Variants in GRM7 observed in about 807,000 individuals in gnomAD.
GRM7 encodes the protein glutamate metabotropic receptor 7.
A neutral mutation model predicts 84.5 loss-of-function variants in GRM7; 35 were observed. That is an observed-to-expected ratio of 0.41 (90% CI 0.32 to 0.55). The LOEUF is 0.55. GRM7 is among the 20% of genes least tolerant of loss of function. The probability of loss-of-function intolerance (pLI) is 0.19; values close to 1 mark genes in which losing one functional copy is unlikely to be tolerated. For missense variants in GRM7, 1,003 were observed against 1,194.6 expected (o/e 0.84, Z 2.36); for synonymous variants, 487 against 455.1 (o/e 1.07, Z -0.89).
chr3:7,620,362 C>T (rs887891479), intron 8 of GRM7, among the ~76,000 whole-genome samples: 3 of 152,056 alleles, frequency 2.0e-5, no homozygotes, highest in Non-Finnish European at 4.4e-5. Flanking sequence ...TATCTATTTG[C>T]TCAACTAAAT....
chr3:6,970,749 G>A (rs1254818144), intron 1 of GRM7, among the ~76,000 whole-genome samples: 1 of 152,194 alleles, frequency 6.6e-6, no homozygotes, highest in African/African-American at 2.4e-5. Flanking sequence ...GGAGGCCGAG[G>A]CGGGCGGATC....
intron 4 of GRM7, among the ~76,000 whole-genome samples, chr3:7,339,814 G>C (rs1053521498): frequency 1.3e-5 from 2 of 152,048 alleles, no homozygotes; most frequent in African/African-American, 4.8e-5. Context: ...TGGTTGAATT[G>C]TTTCAACTAC....
intron 2 of GRM7, among the ~76,000 whole-genome samples, chr3:7,282,416 A>C (rs1161798112): frequency 1.3e-5 from 2 of 152,166 alleles, no homozygotes; most frequent in African/African-American, 2.4e-5. Context: ...CCTATCCACA[A>C]ACCTGGCAGT....
At chr3:7,247,010 A>G (rs895398215) in intron 2 of GRM7, among the ~76,000 whole-genome samples, 4 of 152,300 alleles carry the variant, frequency 2.6e-5, no homozygotes, top group African/African-American at 4.8e-5. Flanking sequence ...CAGACCAAAC[A>G]TATCAACTGA....
intron 1 of GRM7, among the ~76,000 whole-genome samples, chr3:6,876,386 G>T (rs2124952552): frequency 6.6e-6 from 1 of 152,166 alleles, no homozygotes; most frequent in Non-Finnish European, 1.5e-5. Context: ...TTGAGTGCTT[G>T]CTGGGTGTAA....
At chr3:7,353,613 G>A (rs964437726) in intron 4 of GRM7, among the ~76,000 whole-genome samples, 25 of 152,032 alleles carry the variant, frequency 1.6e-4, no homozygotes, top group African/African-American at 6.0e-4. Flanking sequence ...CATACTAGGA[G>A]GCTCCAGAAA....
chr3:7,672,935 G>T (rs1393276943), intron 8 of GRM7, among the ~76,000 whole-genome samples: 1 of 152,096 alleles, frequency 6.6e-6, no homozygotes, highest in Non-Finnish European at 1.5e-5. Flanking sequence ...AACTAAACGA[G>T]ATGTTCCCCC....
chr3:7,066,702 C>A (rs1697678930), intron 1 of GRM7, among the ~76,000 whole-genome samples: 1 of 151,744 alleles, frequency 6.6e-6, no homozygotes, highest in East Asian at 1.9e-4. Context: ...TACCAAAAAC[C>A]AGGAAAGGAC....
chr3:7,452,558 TTGTGTGTGTGTGTG>T (rs111752136), intron 5 of GRM7, 35 bp from the exon 6 acceptor site: 3 of 1,007,168 alleles, frequency 3.0e-6, no homozygotes, highest in Admixed American at 1.8e-5. Flanking sequence ...CAATGCCAAT[TTGTGTGTGTGTGTG>T]TGTGTGTGTG....
chr3:7,263,117 T>C (rs994764796), intron 2 of GRM7, among the ~76,000 whole-genome samples: 2 of 152,244 alleles, frequency 1.3e-5, no homozygotes, highest in African/African-American at 2.4e-5. Flanking sequence ...TTCTATTTTA[T>C]GTCCTTGGGG....
chr3:7,124,858 A>C (rs937159210), intron 1 of GRM7, among the ~76,000 whole-genome samples: 1 of 152,196 alleles, frequency 6.6e-6, no homozygotes, highest in Non-Finnish European at 1.5e-5. Flanking sequence ...ACATTAATGA[A>C]ATATAGCCAT....
chr3:7,307,100 T>A (rs755369310), intron 4 of GRM7, among the ~76,000 whole-genome samples: 3 of 151,368 alleles, frequency 2.0e-5, no homozygotes, highest in Non-Finnish European at 4.4e-5. Context: ...GAGGCTGTAA[T>A]ACAGCACACC....
rs1333516149 is a variant in GRM7 at position 7,455,586 on chromosome 3, A to T, written c.1375+2779A>T. On this transcript the variant is annotated intron_variant, in intron 6 of 9. Transcript: ENST00000357716. ...CTACCTTAAATCTAATTTTAAGGAA[A>T]CATCAAACAAATCCAAATTAAAAGA... Among the ~76,000 whole-genome samples the T allele has an allele frequency of 2.6e-5, 4 of 151,768 alleles. No individual in the cohort carries two copies. In the South Asian group the frequency reaches 8.4e-4, roughly 32 times the overall value.
At chr3:6,887,205 A>G (rs78403596) in intron 1 of GRM7, among the ~76,000 whole-genome samples, 12,210 of 151,662 alleles carry the variant, frequency 0.081, 554 homozygotes, top group Middle Eastern at 0.13. Context: ...TTTTTTTTAG[A>G]AGTAAAGTTT....
intron 1 of GRM7, among the ~76,000 whole-genome samples, chr3:7,004,775 A>G (rs76332573): frequency 3.9e-5 from 6 of 152,296 alleles, no homozygotes; most frequent in Non-Finnish European, 8.8e-5. Flanking sequence ...GGTGTTTCAA[A>G]ATAATAATGA....
At chr3:7,165,699 G>A (rs1358448032) in intron 2 of GRM7, among the ~76,000 whole-genome samples, 7 of 152,152 alleles carry the variant, frequency 4.6e-5, no homozygotes, top group Admixed American at 2.6e-4. Context: ...GCTAGGACAA[G>A]TCTCTTCAGG....
chr3:7,222,070 A>C (rs1410064835), intron 2 of GRM7, among the ~76,000 whole-genome samples: 5 of 151,968 alleles, frequency 3.3e-5, no homozygotes, highest in Admixed American at 2.0e-4. Flanking sequence ...CAGCCTCCCA[A>C]AGTGCTAGGA....
At chr3:7,213,049 T>C (rs1275334822) in intron 2 of GRM7, among the ~76,000 whole-genome samples, 3 of 152,214 alleles carry the variant, frequency 2.0e-5, no homozygotes, top group Non-Finnish European at 2.9e-5. Context: ...TTTACCATCC[T>C]GATTCTGTTC....
At chr3:7,337,690 CA>C (rs2125074158) in intron 4 of GRM7, among the ~76,000 whole-genome samples, 1 of 151,904 alleles carries the variant, frequency 6.6e-6, no homozygotes, top group Admixed American at 6.6e-5. Flanking sequence ...AAATGCAAAT[CA>C]AAACCACAAT....
Sources: gnomAD v4.1 joint callset for allele counts (sites outside exome capture counted in the v4.1 genomes callset) on GRCh38, gnomAD v4.1.1 for gene constraint, MANE v1.5 for transcripts, NCBI Gene and HGNC (gene_info 2026-07-23, HGNC 2026-07-21) for gene names.